Variants in HORMAD2 observed in about 807,000 individuals in gnomAD.
HORMAD2 encodes the protein HORMA domain-containing protein 2.
HORMAD2 carries 45 observed loss-of-function variants against 38.8 expected under a neutral mutation model. That is an observed-to-expected ratio of 1.16 (90% CI 0.91 to 1.49). HORMAD2 has a LOEUF of 1.49. Among genes scored for constraint, HORMAD2 ranks in the 40% most tolerant of loss-of-function variants. HORMAD2 has a pLI of 0.00. For missense variants in HORMAD2, 338 were observed against 367.0 expected, an observed-to-expected ratio of 0.92 and a Z score of 0.65; for synonymous variants, 126 against 122.8, an observed-to-expected ratio of 1.03 and a Z score of -0.17.
At chr22:30,161,384 A>G (rs1442031584) in intron 10 of HORMAD2, among the ~76,000 whole-genome samples, 1 of 152,166 alleles carries the variant, frequency 6.6e-6, no homozygotes, top group Admixed American at 6.5e-5. Context: ...TGCATTTCCA[A>G]TTCTGTATCT....
At chr22:30,158,562 C>G (rs1228567190) in intron 10 of HORMAD2, among the ~76,000 whole-genome samples, 2 of 104,334 alleles carry the variant, frequency 1.9e-5, no homozygotes, top group Middle Eastern at 5.1e-3. Context: ...CCCTCCCCTC[C>G]CCTCCCTTCC....
the HORMAD2 span, among the ~76,000 whole-genome samples, chr22:30,183,005 T>G: frequency 6.6e-6 from 1 of 152,230 alleles, no homozygotes; most frequent in African/African-American, 2.4e-5. Context: ...AGAGCTATTT[T>G]AGGCATAAAC....
intron 10 of HORMAD2, among the ~76,000 whole-genome samples, chr22:30,147,084 A>C (rs1924463529): frequency 6.6e-6 from 1 of 152,222 alleles, no homozygotes. Context: ...CATGGATTGG[A>C]AGACTCAAGT....
the HORMAD2 span, among the ~76,000 whole-genome samples, chr22:30,203,952 G>T: frequency 6.6e-6 from 1 of 152,088 alleles, no homozygotes; most frequent in South Asian, 2.1e-4. Context: ...GCATATGTGT[G>T]CACACATTGT....
At chr22:30,158,352 A>G (rs991428048) in intron 10 of HORMAD2, among the ~76,000 whole-genome samples, 3 of 152,204 alleles carry the variant, frequency 2.0e-5, no homozygotes, top group Non-Finnish European at 4.4e-5. Flanking sequence ...AGCCATATCT[A>G]AGGATGACAA....
At chr22:30,199,636 T>C in the HORMAD2 span, among the ~76,000 whole-genome samples, 1 of 152,324 alleles carries the variant, frequency 6.6e-6, no homozygotes, top group South Asian at 2.1e-4. Context: ...GTTAATATGT[T>C]CTAATATCTC....
At chr22:30,103,236 C>T (rs1281622047) in intron 3 of HORMAD2, among the ~76,000 whole-genome samples, 1 of 152,098 alleles carries the variant, frequency 6.6e-6, no homozygotes, top group South Asian at 2.1e-4. Context: ...TTACTGTAAT[C>T]GAAATTGAGA....
rs1920926349 is a variant in HORMAD2 at position 30,098,889 on chromosome 22, AGTCATTGAAAATG to A, written c.92_104del (p.Ser31Ter). 6.2e-7 allele frequency: 1 copy of A among 1,613,542 alleles called. No individual in the cohort carries two copies. The highest frequency in any genetic ancestry group is 2.2e-5 in the East Asian group (1 of 44,856). ...CCATCCCAAATCACTAATGAGCATG[AGTCATTGAAAATG>A]GTGAAGAAACTTTTTGCTACTTCCA... On this transcript the variant is annotated frameshift_variant, in exon 3 of 11. Transcript: ENST00000336726. LOFTEE classifies it high-confidence loss of function.
intron 10 of HORMAD2, among the ~76,000 whole-genome samples, chr22:30,153,454 ACAT>A (rs1924880050): frequency 6.6e-6 from 1 of 152,082 alleles, no homozygotes; most frequent in Non-Finnish European, 1.5e-5. Flanking sequence ...TTATTACCCA[ACAT>A]CTTCCCCTTC....
At chr22:30,090,005 C>G (rs2068653320) in intron 1 of HORMAD2, among the ~76,000 whole-genome samples, 1 of 152,160 alleles carries the variant, frequency 6.6e-6, no homozygotes, top group Non-Finnish European at 1.5e-5. Context: ...TGGCTTTTCA[C>G]TTAGCATAAT....
At chr22:30,117,500 C>A (rs1922130663) in intron 7 of HORMAD2, among the ~76,000 whole-genome samples, 1 of 148,654 alleles carries the variant, frequency 6.7e-6, no homozygotes, top group Non-Finnish European at 1.5e-5. Context: ...TTTATTATTT[C>A]TTTCCTTCTA....
the HORMAD2 span, among the ~76,000 whole-genome samples, chr22:30,189,467 T>C: frequency 6.6e-6 from 1 of 152,088 alleles, no homozygotes; most frequent in Non-Finnish European, 1.5e-5. Context: ...TTACAAAGGG[T>C]TTCTGATGCG....
intron 3 of HORMAD2, among the ~76,000 whole-genome samples, chr22:30,099,196 C>T (rs947733143): frequency 2.0e-5 from 3 of 152,138 alleles, no homozygotes; most frequent in African/African-American, 7.2e-5. Context: ...TAGCTAGACG[C>T]CAGGTGACAG....
chr22:30,134,804 G>C (rs1049297183), intron 10 of HORMAD2, among the ~76,000 whole-genome samples: 9 of 151,810 alleles, frequency 5.9e-5, no homozygotes, highest in African/African-American at 2.2e-4. Context: ...ATCATAGGAG[G>C]GTAGTGTACA....
At chr22:30,200,676 C>G in the HORMAD2 span, among the ~76,000 whole-genome samples, 1 of 151,556 alleles carries the variant, frequency 6.6e-6, no homozygotes. Context: ...TATTAGTGCC[C>G]TAGGACTGCT....
At chr22:30,127,716 G>A (rs1435131445) in intron 10 of HORMAD2, among the ~76,000 whole-genome samples, 1 of 152,182 alleles carries the variant, frequency 6.6e-6, no homozygotes, top group Non-Finnish European at 1.5e-5. Flanking sequence ...TAAATGTATA[G>A]ACATGAATAT....
chr22:30,185,420 A>G, the HORMAD2 span, among the ~76,000 whole-genome samples: 1 of 152,260 alleles, frequency 6.6e-6, no homozygotes, highest in Non-Finnish European at 1.5e-5. Context: ...CTCATTTATG[A>G]TTATAGTATA....
At chr22:30,094,765 G>A (rs60759987) in intron 2 of HORMAD2, among the ~76,000 whole-genome samples, 11,871 of 152,136 alleles carry the variant, frequency 0.078, 544 homozygotes, top group African/African-American at 0.092. Context: ...GATAATTTGC[G>A]TAGAGGGGAG....
At chr22:30,137,837 C>A (rs77394949) in intron 10 of HORMAD2, among the ~76,000 whole-genome samples, 13,771 of 152,162 alleles carry the variant, frequency 0.091, 650 homozygotes, top group Middle Eastern at 0.14. Flanking sequence ...CATTTGGGTT[C>A]TTTCAACCTT....
Sources: allele counts gnomAD v4.1 joint callset (sites outside exome capture counted in the v4.1 genomes callset), GRCh38; gene constraint gnomAD v4.1.1; transcripts MANE v1.5; gene names NCBI Gene and HGNC (gene_info 2026-07-23, HGNC 2026-07-21).